FAM81A: variants seen among roughly 807,000 people sequenced by gnomAD.
The protein encoded by FAM81A is family with sequence similarity 81 member A, also known as protein FAM81A.
A neutral mutation model predicts 46.7 loss-of-function variants in FAM81A; 19 were observed. That is an observed-to-expected ratio of 0.41 (90% confidence interval 0.28 to 0.60). The LOEUF is 0.60. Ranked by LOEUF, FAM81A falls within the 20% of genes least tolerant of loss-of-function variation. The pLI is 0.34. For missense variants in FAM81A, 377 were observed against 453.5 expected (o/e 0.83, Z 1.53); for synonymous variants, 183 against 152.9 (o/e 1.20, Z -1.45).
chr15:59,510,813 CAA>C (rs2082199966), intron 6 of FAM81A, among the ~76,000 whole-genome samples: 2 of 108,092 alleles, frequency 1.9e-5, no homozygotes, highest in Admixed American at 1.9e-4. Flanking sequence ...AAAAAGAACT[CAA>C]AGTGTACTAA....
intron 4 of FAM81A, among the ~76,000 whole-genome samples, chr15:59,506,614 A>C (rs940344362): frequency 6.6e-6 from 1 of 151,800 alleles, no homozygotes; most frequent in Non-Finnish European, 1.5e-5. Flanking sequence ...CCATTCTGTG[A>C]CTCTCCTATT....
Position 59,406,636 on chromosome 15 carries a change from C to T in FAM81A, c.-78+4278C>T, listed in dbSNP as rs189697714. On this transcript the variant is annotated intron_variant, in intron 2 of 4. Coordinates refer to the FAM81A transcript ENST00000558348. Reference sequence around the variant, plus strand: ...TTTCCACTACCCCAAAATGTTTCCTCATGTCCATTTTCGGTTCATACCCAC... The same window carrying T: ...TTTCCACTACCCCAAAATGTTTCCTTATGTCCATTTTCGGTTCATACCCAC... 1.5e-4 allele frequency among the ~76,000 whole-genome samples: 23 copies of T among 152,256 alleles called. No homozygotes were observed. The East Asian group carries it at 4.2e-3, about 28-fold the overall frequency.
upstream of FAM81A, among the ~76,000 whole-genome samples, chr15:59,435,329 C>A (rs1337721571): frequency 1.3e-5 from 2 of 151,904 alleles, no homozygotes; most frequent in East Asian, 3.9e-4. Context: ...CAAAAAAATT[C>A]CCACAGTGGA....
intron 5 of FAM81A, 62 bp from the exon 6 acceptor site, chr15:59,508,801 T>C: frequency 8.1e-7 from 1 of 1,231,186 alleles, no homozygotes; most frequent in Non-Finnish European, 1.2e-6. Flanking sequence ...TTACTAAATG[T>C]TTTCTGAAGT....
intron 2 of FAM81A, among the ~76,000 whole-genome samples, chr15:59,417,426 C>G (rs989469475): frequency 5.3e-5 from 8 of 152,042 alleles, no homozygotes; most frequent in Non-Finnish European, 1.0e-4. Context: ...GCTTTTCTGG[C>G]TGGATGTGTT....
chr15:59,409,624 G>T (rs1200757997), intron 2 of FAM81A, among the ~76,000 whole-genome samples: 2 of 152,302 alleles, frequency 1.3e-5, no homozygotes, highest in Middle Eastern at 3.4e-3. Context: ...GTGAAAAAAA[G>T]CCAGTTTTCG....
Position 59,502,907 on chromosome 15 carries a change from A to C in FAM81A, c.414-4306A>C, listed in dbSNP as rs149146775. Among the ~76,000 whole-genome samples the C allele has an allele frequency of 8.5e-5, 13 of 152,172 alleles. No homozygotes were observed. In the East Asian group the frequency reaches 2.5e-3, roughly 29 times the overall value. ...CCTGCTTCTTTTTTTACAAAAGTAC[A>C]CGAGGGATGTGTGCTGGTAGGAAAG... On this transcript the variant is annotated intron_variant, in intron 4 of 8. Transcript: ENST00000288228.
chr15:59,472,170 G>C (rs905611063), intron 3 of FAM81A, among the ~76,000 whole-genome samples: 1 of 152,042 alleles, frequency 6.6e-6, no homozygotes, highest in Admixed American at 6.6e-5. Context: ...CTCCCTTTCT[G>C]GAATTTAAAA....
intron 8 of FAM81A, among the ~76,000 whole-genome samples, chr15:59,518,682 C>T (rs2082293138): frequency 6.6e-6 from 1 of 152,002 alleles, no homozygotes; most frequent in Non-Finnish European, 1.5e-5. Context: ...TTATAAATAA[C>T]TTTAATACAA....
chr15:59,495,370 T>G (rs2082022461), intron 4 of FAM81A, among the ~76,000 whole-genome samples: 1 of 152,238 alleles, frequency 6.6e-6, no homozygotes, highest in South Asian at 2.1e-4. Flanking sequence ...CATTCCTTGT[T>G]ATGGCTGCAT....
intron 3 of FAM81A, among the ~76,000 whole-genome samples, chr15:59,474,159 C>G (rs1445437835): frequency 1.3e-5 from 2 of 152,170 alleles, no homozygotes; most frequent in Admixed American, 1.3e-4. Context: ...ATAGGACTAA[C>G]ATTGTTACTT....
rs762387888 is a variant in FAM81A at position 59,514,259 on chromosome 15, T to C, written c.651-30T>C. ...AAAAAAAATAAAAAATAAACTGTTT[T>C]ACATCTAACTTGCAATTTTTTTTTT... On this transcript the variant is annotated intron_variant, in intron 6 of 8. Coordinates refer to ENST00000288228, the MANE Select transcript of FAM81A (RefSeq NM_152450.3). 15 of 1,541,980 alleles carry C rather than the reference T, an allele frequency of 9.7e-6. No homozygotes were observed. In the Admixed American group the frequency reaches 1.4e-4, roughly 14 times the overall value.
At chr15:59,493,892 CCTT>C (rs1292994229) in intron 4 of FAM81A, among the ~76,000 whole-genome samples, 2 of 152,056 alleles carry the variant, frequency 1.3e-5, no homozygotes, top group African/African-American at 2.4e-5. Flanking sequence ...CCGGCCTCCT[CCTT>C]CTTTTCTAAC....
Position 59,508,488 on chromosome 15 carries a change from T to C in FAM81A, c.544-375T>C, listed in dbSNP as rs573667795. ...GTAAATCTGAGACCTTGATGGATTT[T>C]GTAAACAATAAAAATTCTATTTTCT... On this transcript the variant is annotated intron_variant, in intron 5 of 8. Transcript: ENST00000288228. Among the ~76,000 whole-genome samples, 4 of 152,296 alleles carry C rather than the reference T, an allele frequency of 2.6e-5. No homozygotes were observed. The East Asian group carries it at 7.7e-4, about 29-fold the overall frequency.
rs4078341 is a variant in FAM81A at position 59,451,027 on chromosome 15, T to C, written c.-77-7523T>C. 5.2e-3 allele frequency among the ~76,000 whole-genome samples: 789 copies of C among 152,160 alleles called. 9 individuals are homozygous for C. The highest frequency in any genetic ancestry group is 0.018 in the South Asian group (85 of 4,812). The stretch of plus-strand genomic sequence containing the variant: ...ACACCAAGAGACAAGGATGGTGTTG[T>C]GGGGGCACCCTATGAGTCTGTCCAC... On this transcript the variant is annotated intron_variant, in intron 1 of 8. Coordinates refer to ENST00000288228, the MANE Select transcript of FAM81A (RefSeq NM_152450.3).
At chr15:59,476,526 C>A (rs374628366) in intron 3 of FAM81A, among the ~76,000 whole-genome samples, 1 of 152,190 alleles carries the variant, frequency 6.6e-6, no homozygotes, top group African/African-American at 2.4e-5. Context: ...CGCCTGTAAT[C>A]CCATCACTTT....
chr15:59,489,301 A>G (rs1339378419), intron 3 of FAM81A, among the ~76,000 whole-genome samples: 2 of 150,984 alleles, frequency 1.3e-5, no homozygotes, highest in South Asian at 4.2e-4. Flanking sequence ...ATACATACAT[A>G]CATACATACA....
chr15:59,492,513 C>A, intron 4 of FAM81A, 124 bp downstream of exon 4: 1 of 728,308 alleles, frequency 1.4e-6, no homozygotes, highest in Non-Finnish European at 2.2e-6. Context: ...TACATTCCCT[C>A]CCTGCTTTGG....
chr15:59,473,082 C>T lies in FAM81A; in HGVS notation c.294+12876C>T, dbSNP rs758384271. Among the ~76,000 whole-genome samples, 87 of 152,246 alleles carry T rather than the reference C, an allele frequency of 5.7e-4. 1 individual carries two copies. Among genetic ancestry groups the T allele is most frequent in the African/African-American group, 1.8e-3 (76 of 41,556 alleles). ...ATAGCTCTGCTGCACCTAAATCTAA[C>T]GACAGGTAAAATCCAAGTGATGGGG... On this transcript the variant is annotated intron_variant, in intron 3 of 8. Transcript: ENST00000288228.
Sources: gnomAD v4.1 joint callset for allele counts (sites outside exome capture counted in the v4.1 genomes callset) on GRCh38, gnomAD v4.1.1 for gene constraint, MANE v1.5 for transcripts, NCBI Gene and HGNC (gene_info 2026-07-23, HGNC 2026-07-21) for gene names.